Variants in UVSSA observed in about 807,000 individuals in gnomAD.
UVSSA encodes UV-stimulated scaffold protein A.
In UVSSA, 72 loss-of-function variants were observed where a neutral mutation model predicts 73.9. That is an observed-to-expected ratio of 0.97 (90% CI 0.81 to 1.19). UVSSA has a LOEUF of 1.19. Among genes scored for constraint, UVSSA ranks in the 50% most tolerant of loss-of-function variants. UVSSA has a pLI of 0.00. For synonymous variants in UVSSA, 454 were observed against 391.3 expected (o/e 1.16, Z -1.89); for missense variants, 1,150 against 965.0 (o/e 1.19, Z -2.54).
At chr4:1,393,132 T>C (rs996190463) in exon 14 of UVSSA, 6 of 152,340 alleles carry the variant, frequency 3.9e-5, no homozygotes, top group African/African-American at 1.4e-4. Context: ...CCGGAATTTT[T>C]TCTTCTTCTC....
At chr4:1,375,154 G>A (rs1037398914) in intron 8 of UVSSA, 4 of 710,678 alleles carry the variant, frequency 5.6e-6, no homozygotes, top group East Asian at 2.7e-5. Flanking sequence ...CGGACCCCCC[G>A]ACGCACGCCA....
At chr4:1,388,663 T>C (rs141584870), downstream of UVSSA, 7 of 152,378 alleles carry the variant, frequency 4.6e-5, no homozygotes, top group Non-Finnish European at 8.8e-5. Flanking sequence ...AGTGTTTTTG[T>C]CATAAAGTAT....
chr4:1,349,526 C>T lies in UVSSA; in HGVS notation c.101C>T (p.Ser34Phe), dbSNP rs144988532. The T allele has an allele frequency of 2.4e-4, 387 of 1,612,250 alleles. 3 individuals carry two copies. In the African/African-American group the frequency reaches 4.3e-3, roughly 18 times the overall value. Residue 34 changes from serine to phenylalanine, a missense_variant and splice_region_variant, in exon 3 of 14, where the codon TCT becomes TTT. By Grantham distance (155) the Ser-to-Phe change is radical. Coordinates refer to ENST00000389851, the MANE Select transcript of UVSSA (RefSeq NM_020894.4). ...GTCAGGCCAGCTCGCATCCCCAGGT[C>T]TTCAGAGGAGCAGCTGAGCCGCGCC... ...KMKELKKICKSSEEQLSRAYR... is the reference protein window; with the variant it reads ...KMKELKKICKFSEEQLSRAYR...
chr4:1,360,253 C>T (rs1577319710), intron 7 of UVSSA, among the ~76,000 whole-genome samples: 1 of 152,220 alleles, frequency 6.6e-6, no homozygotes, highest in African/African-American at 2.4e-5. Context: ...TAGGCCCAGC[C>T]AGGGCCTTGT....
chr4:1,380,449 C>G (rs537619668), intron 11 of UVSSA, among the ~76,000 whole-genome samples: 2 of 152,182 alleles, frequency 1.3e-5, no homozygotes, highest in Non-Finnish European at 2.9e-5. Flanking sequence ...AAGCCTGACA[C>G]CTGGGTACAT....
At chr4:1,362,419 G>A (rs747129482) in intron 7 of UVSSA, among the ~76,000 whole-genome samples, 2 of 152,212 alleles carry the variant, frequency 1.3e-5, no homozygotes, top group Non-Finnish European at 2.9e-5. Flanking sequence ...CCTTGGGAGG[G>A]GACAGCCTGC....
rs781552542 is a variant in UVSSA, at chr4:1,394,629, T to A, written c.*8668T>A. Reference sequence around the variant, plus strand: ...GTGCCCGCCTGCTCACACATGTCGATGCGGAGTGCCCGCCTGCTCACACAT... The same window carrying A: ...GTGCCCGCCTGCTCACACATGTCGAAGCGGAGTGCCCGCCTGCTCACACAT... On this transcript the variant is annotated 3_prime_UTR_variant, in exon 14 of 14. Transcript: ENST00000511216. 3 of 1,493,358 alleles carry A rather than the reference T, an allele frequency of 2.0e-6. No homozygotes were observed. The South Asian group carries it at 3.6e-5, about 18-fold the overall frequency. 92.5% of individuals were successfully genotyped at this position (1,493,358 alleles called of 1,614,324 possible). A position where few individuals can be genotyped will look rare whatever the true frequency, so the allele number is the denominator to read the frequency against.
At chr4:1,358,770 G>A (rs1269224736) in intron 7 of UVSSA, among the ~76,000 whole-genome samples, 1 of 152,252 alleles carries the variant, frequency 6.6e-6, no homozygotes, top group Non-Finnish European at 1.5e-5. Context: ...TTTACAGAGG[G>A]TTTAAATCAC....
chr4:1,383,700 G>A (rs544688058), intron 12 of UVSSA, 66 bp from the exon 13 acceptor site: 2 of 1,598,188 alleles, frequency 1.3e-6, no homozygotes, highest in Admixed American at 1.7e-5. Context: ...CCCCTCCTGG[G>A]GGCCTCGGGT....
At chr4:1,343,010 G>C (rs1713483320), upstream of UVSSA, among the ~76,000 whole-genome samples, 2 of 152,144 alleles carry the variant, frequency 1.3e-5, no homozygotes, top group African/African-American at 4.8e-5. Flanking sequence ...ACTCATCAGT[G>C]TCTGCTGAAC....
chr4:1,353,519 C>G (rs1340253259), intron 5 of UVSSA, 106 bp downstream of exon 5: 2 of 1,390,082 alleles, frequency 1.4e-6, no homozygotes, highest in African/African-American at 1.5e-5. Flanking sequence ...CAGGGGCCTC[C>G]CCTGGGGAGC....
intron 7 of UVSSA, 60 bp from the exon 8 acceptor site, chr4:1,366,260 G>A (rs1399991752): frequency 9.0e-6 from 12 of 1,339,048 alleles, no homozygotes; most frequent in African/African-American, 1.5e-5. Context: ...TCTGCCCACC[G>A]GGAGCTGTGT....
At chr4:1,354,113 C>T (rs561728167) in intron 5 of UVSSA, among the ~76,000 whole-genome samples, 17 of 152,334 alleles carry the variant, frequency 1.1e-4, no homozygotes, top group African/African-American at 3.4e-4. Context: ...AGGAGGCAGC[C>T]GGGCTGGGAA....
intron 7 of UVSSA, among the ~76,000 whole-genome samples, chr4:1,362,139 T>G (rs1716735239): frequency 6.6e-6 from 1 of 152,246 alleles, no homozygotes; most frequent in South Asian, 2.1e-4. Flanking sequence ...TGTTTAATTA[T>G]GATCGTGGAG....
chr4:1,356,357 A>G (rs924973129), intron 7 of UVSSA, among the ~76,000 whole-genome samples: 2 of 152,034 alleles, frequency 1.3e-5, no homozygotes, highest in South Asian at 2.1e-4. Flanking sequence ...CGCGTCCCCA[A>G]CGTGGTGGTG....
At chr4:1,367,665 C>G (rs1304919817) in intron 8 of UVSSA, among the ~76,000 whole-genome samples, 1 of 152,140 alleles carries the variant, frequency 6.6e-6, no homozygotes, top group Non-Finnish European at 1.5e-5. Flanking sequence ...CAGCCGGGAC[C>G]TCGCTCTGGG....
chr4:1,348,590 C>T (rs996347694), intron 2 of UVSSA, among the ~76,000 whole-genome samples: 2 of 152,222 alleles, frequency 1.3e-5, no homozygotes, highest in Non-Finnish European at 2.9e-5. Context: ...CTGTTCACTT[C>T]CTCCAAGGAA....
chr4:1,380,276 G>C (rs772206658), intron 11 of UVSSA, 46 bp downstream of exon 11: 3 of 1,577,476 alleles, frequency 1.9e-6, no homozygotes, highest in Admixed American at 3.5e-5. Flanking sequence ...GCTGGACCAG[G>C]TGGGGCAGCC....
rs777962988 is a variant in UVSSA, at chr4:1,380,744, C to G, written c.1753-136C>G. 107 of 1,562,596 alleles carry G rather than the reference C, an allele frequency of 6.8e-5. 1 individual carries two copies. Among genetic ancestry groups the G allele is most frequent in the Non-Finnish European group, 8.8e-5 (101 of 1,154,112 alleles). On this transcript the variant is annotated intron_variant, in intron 11 of 13. Coordinates refer to ENST00000389851, the MANE Select transcript of UVSSA (RefSeq NM_020894.4). ...GCCCTCCTCTGAGGGGCGCGTGATT[C>G]CAGGTTGTGTACACTTTGGCTCTGT... is the stretch of plus-strand genomic sequence containing the variant.
Sources: allele counts gnomAD v4.1 joint callset (sites outside exome capture counted in the v4.1 genomes callset), GRCh38; gene constraint gnomAD v4.1.1; transcripts MANE v1.5; gene names NCBI Gene and HGNC (gene_info 2026-07-23, HGNC 2026-07-21).